Variants in MRAP observed in about 807,000 individuals in gnomAD.
The protein encoded by MRAP is melanocortin-2 receptor accessory protein.
Under a neutral mutation model 8.7 loss-of-function variants are expected in MRAP, and 8 were observed. The ratio of observed to expected loss-of-function variants is 0.92; its 90% confidence interval spans 0.54 to 1.66. The LOEUF (loss-of-function observed/expected upper bound fraction) is 1.66, where lower values mean the gene tolerates loss of function less well. Among genes scored for constraint, MRAP ranks in the 40% most tolerant of loss-of-function variants. The probability of loss-of-function intolerance (pLI) is 0.00; values close to 1 mark genes in which losing one functional copy is unlikely to be tolerated. For missense variants in MRAP, 237 were observed against 217.1 expected (o/e 1.09, Z -0.58); for synonymous variants, 95 against 95.5 (o/e 1.00, Z 0.03).
chr21:32,298,613 A>C (rs1379325919), upstream of MRAP, among the ~76,000 whole-genome samples: 1 of 152,162 alleles, frequency 6.6e-6, no homozygotes. Flanking sequence ...CCTATTGGGC[A>C]TCTTCTAAGG....
chr21:32,293,812 G>C (rs1372055257), intron 2 of MRAP, among the ~76,000 whole-genome samples: 1 of 152,126 alleles, frequency 6.6e-6, no homozygotes, highest in Non-Finnish European at 1.5e-5. Flanking sequence ...TATTATCTTA[G>C]AGTTAACCTT....
At chr21:32,299,144 C>A in intron 1 of MRAP, 67 bp downstream of exon 1, 3 of 1,243,236 alleles carry the variant, frequency 2.4e-6, no homozygotes. Context: ...ACTGGGCACT[C>A]CCGGCTTTCT....
At chr21:32,302,727 G>C (rs1219296791) in intron 1 of MRAP, among the ~76,000 whole-genome samples, 5 of 152,314 alleles carry the variant, frequency 3.3e-5, no homozygotes, top group African/African-American at 1.2e-4. Flanking sequence ...TGGAGTAAGG[G>C]AATAAGAACG....
chr21:32,311,941 G>C lies in MRAP; in HGVS notation c.464G>C (p.Arg155Thr). 6.2e-7 allele frequency: 1 copy of C among 1,613,666 alleles called. No homozygotes were observed. The highest frequency in any genetic ancestry group is 1.1e-5 in the South Asian group (1 of 91,086). Residue 155 changes from arginine (R) to threonine (T), a missense_variant, in exon 3 of 3, where the codon AGG becomes ACG. Physicochemically the swap from Arg to Thr is moderately conservative, Grantham distance 71 (BLOSUM62 -1). Transcript: ENST00000303645. ...ELTLNGGPLVRSKPSEPPPGD... is the reference protein window; with the variant it reads ...ELTLNGGPLVTSKPSEPPPGD... ...ACCCTCAATGGGGGTCCCCTCGTCA[G>C]GAGCAAGCCCAGCGAGCCTCCCCCT...
At position 32,312,285 on chromosome 21, in the gene MRAP, G is replaced by A. The variant is rs551819319; in HGVS notation, c.*289G>A. ...AAAATAAAATATATGCAAATCAAGA[G>A]GAAAAGCTGTTTGCTTACTAATCTT... is the stretch of plus-strand genomic sequence containing the variant. On this transcript the variant is annotated 3_prime_UTR_variant, in exon 3 of 3. Coordinates refer to ENST00000303645, the MANE Select transcript of MRAP (RefSeq NM_001379228.1). The A allele has an allele frequency of 6.6e-6, 9 of 1,359,476 alleles. No homozygotes were observed. The highest frequency in any genetic ancestry group is 8.6e-6 in the Non-Finnish European group (9 of 1,052,346). 84.2% of individuals were successfully genotyped at this position (1,359,476 alleles called of 1,614,324 possible).
At chr21:32,300,921 CAT>C (rs1263840500) in intron 1 of MRAP, among the ~76,000 whole-genome samples, 8 of 151,950 alleles carry the variant, frequency 5.3e-5, no homozygotes, top group African/African-American at 1.9e-4. Context: ...GTCTATGTGT[CAT>C]GATATATCGT....
rs574321673 is a variant in MRAP at position 32,301,037 on chromosome 21, A to T, written c.106+1960A>T. Among the ~76,000 whole-genome samples, 3 of 151,596 alleles carry T rather than the reference A, an allele frequency of 2.0e-5. No homozygotes were observed. In the Admixed American group the frequency reaches 2.0e-4, roughly 10 times the overall value. On this transcript the variant is annotated intron_variant, in intron 1 of 2. Coordinates refer to ENST00000303645, the MANE Select transcript of MRAP (RefSeq NM_001379228.1). ...ATCGCATATGTATCAGATATATCAA[A>T]TATATCATATGATATATATCATATC...
At chr21:32,314,467 G>A (rs552066667), downstream of MRAP, 30 of 1,298,410 alleles carry the variant, frequency 2.3e-5, no homozygotes, top group Admixed American at 3.5e-4. Context: ...TTATAGGCGT[G>A]AGCCACCTCA....
chr21:32,309,608 C>T lies in MRAP; in HGVS notation c.207-2076C>T, dbSNP rs560310808. On this transcript the variant is annotated intron_variant, in intron 2 of 2. Coordinates refer to ENST00000303645, the MANE Select transcript of MRAP (RefSeq NM_001379228.1). The stretch of plus-strand genomic sequence containing the variant: ...CTGGGATTACAGGCACCCGCCACGA[C>T]GCACAGCTAATTTTTGTATTTTTAG... 3.3e-5 allele frequency among the ~76,000 whole-genome samples: 5 copies of T among 150,862 alleles called. No homozygotes were observed. In the South Asian group the frequency reaches 6.3e-4, roughly 19 times the overall value.
At chr21:32,297,219 G>C (rs1410896830), upstream of MRAP, among the ~76,000 whole-genome samples, 1 of 152,222 alleles carries the variant, frequency 6.6e-6, no homozygotes, top group Non-Finnish European at 1.5e-5. Context: ...TTATGCCAAT[G>C]AGGTGGGGGC....
upstream of MRAP, among the ~76,000 whole-genome samples, chr21:32,298,229 T>A (rs1245779077): frequency 6.6e-6 from 1 of 152,092 alleles, no homozygotes; most frequent in Non-Finnish European, 1.5e-5. Flanking sequence ...AAGAGCTGAG[T>A]GGACTCTATT....
chr21:32,310,335 G>C (rs566306198), intron 2 of MRAP, among the ~76,000 whole-genome samples: 1 of 150,510 alleles, frequency 6.6e-6, no homozygotes, highest in African/African-American at 2.5e-5. Flanking sequence ...ACCTTCCCAT[G>C]ATGGGGGGGG....
At chr21:32,301,535 T>G (rs941719278) in intron 1 of MRAP, among the ~76,000 whole-genome samples, 2 of 152,324 alleles carry the variant, frequency 1.3e-5, no homozygotes, top group African/African-American at 4.8e-5. Context: ...CTGAATTGAC[T>G]AATTACATGT....
chr21:32,314,551 C>CT, downstream of MRAP: 3 of 1,613,432 alleles, frequency 1.9e-6, no homozygotes, highest in Non-Finnish European at 2.5e-6. Flanking sequence ...GACATTTCAG[C>CT]TTTAACACAG....
Position 32,312,018 on chromosome 21 carries a change from G to A in MRAP, c.*22G>A. Reference sequence around the variant, plus strand: ...CTGATGTCAGTAAATCGTGGCCATAGCTGAGTGAACTGGTGAAATCAAGCC... The same window carrying A: ...CTGATGTCAGTAAATCGTGGCCATAACTGAGTGAACTGGTGAAATCAAGCC... On this transcript the variant is annotated 3_prime_UTR_variant, in exon 3 of 3. Transcript: ENST00000303645. 1 of 1,612,640 alleles carries A rather than the reference G, an allele frequency of 6.2e-7. No individual in the cohort carries two copies. Among genetic ancestry groups the A allele is most frequent in the Non-Finnish European group, 8.5e-7 (1 of 1,180,020 alleles).
At chr21:32,296,960 A>G (rs1569024212), upstream of MRAP, among the ~76,000 whole-genome samples, 1 of 152,190 alleles carries the variant, frequency 6.6e-6, no homozygotes, top group Non-Finnish European at 1.5e-5. Flanking sequence ...AATAAAGTAA[A>G]TGTGCAATGA....
intron 1 of MRAP, among the ~76,000 whole-genome samples, chr21:32,301,205 A>G (rs1304253019): frequency 6.6e-6 from 1 of 151,980 alleles, no homozygotes; most frequent in Non-Finnish European, 1.5e-5. Context: ...CTTGTGATCC[A>G]CCTGCCTCAC....
chr21:32,300,355 T>C (rs1247941264), intron 1 of MRAP, among the ~76,000 whole-genome samples: 1 of 152,006 alleles, frequency 6.6e-6, no homozygotes, highest in Non-Finnish European at 1.5e-5. Flanking sequence ...ACGCGTCCTA[T>C]GTCAGATGTC....
chr21:32,299,411 T>A (rs780507434), intron 1 of MRAP, among the ~76,000 whole-genome samples: 1 of 152,214 alleles, frequency 6.6e-6, no homozygotes, highest in South Asian at 2.1e-4. Context: ...CATAGCTCAC[T>A]GCAACCTCGA....
Sources: gnomAD v4.1 joint callset for allele counts (sites outside exome capture counted in the v4.1 genomes callset) on GRCh38, gnomAD v4.1.1 for gene constraint, MANE v1.5 for transcripts, NCBI Gene and HGNC (gene_info 2026-07-23, HGNC 2026-07-21) for gene names.